Variants in FHIT observed in about 807,000 individuals in gnomAD.
FHIT encodes the protein bis(5'-adenosyl)-triphosphatase.
In FHIT, 19 loss-of-function variants were observed where a neutral mutation model predicts 17.9. The observed-to-expected ratio is 1.06, with a 90% CI of 0.74 to 1.56. The LOEUF is 1.56. FHIT is among the 40% of genes most tolerant of loss of function. The pLI is 0.00. For synonymous variants in FHIT, 81 were observed against 69.7 expected (o/e 1.16, Z -0.81); for missense variants, 248 against 189.2 (o/e 1.31, Z -1.82).
At chr3:59,795,178 G>C (rs531863220) in intron 8 of FHIT, among the ~76,000 whole-genome samples, 42 of 152,254 alleles carry the variant, frequency 2.8e-4, no homozygotes, top group Non-Finnish European at 4.7e-4. Flanking sequence ...TTGAGGTCAG[G>C]AGTTCGAGAC....
chr3:60,454,603 C>G (rs1003308398), intron 5 of FHIT, among the ~76,000 whole-genome samples: 25 of 152,064 alleles, frequency 1.6e-4, no homozygotes, highest in African/African-American at 6.0e-4. Flanking sequence ...CCAGGATGGT[C>G]TCAATCTCCT....
intron 4 of FHIT, among the ~76,000 whole-genome samples, chr3:60,699,137 G>T (rs1470163118): frequency 6.6e-6 from 1 of 152,034 alleles, no homozygotes; most frequent in Non-Finnish European, 1.5e-5. Flanking sequence ...ACTTTTAAGT[G>T]AATTTATTTA....
intron 5 of FHIT, among the ~76,000 whole-genome samples, chr3:60,393,085 GATT>G (rs1463534894): frequency 1.3e-5 from 2 of 152,042 alleles, no homozygotes; most frequent in Non-Finnish European, 2.9e-5. Flanking sequence ...TTACAGTCCC[GATT>G]TGGCCCCTTC....
chr3:60,385,479 G>A (rs1478690703), intron 5 of FHIT, among the ~76,000 whole-genome samples: 1 of 152,040 alleles, frequency 6.6e-6, no homozygotes, highest in African/African-American at 2.4e-5. Flanking sequence ...AAATAATTAA[G>A]AAAAAGGAAA....
chr3:60,588,807 G>A (rs1466850949), intron 4 of FHIT, among the ~76,000 whole-genome samples: 2 of 151,988 alleles, frequency 1.3e-5, no homozygotes, highest in Non-Finnish European at 2.9e-5. Context: ...GAGCCATCAT[G>A]CCTGTCCTGG....
intron 4 of FHIT, among the ~76,000 whole-genome samples, chr3:60,764,690 G>T (rs1459688171): frequency 6.6e-6 from 1 of 151,586 alleles, no homozygotes; most frequent in Non-Finnish European, 1.5e-5. Context: ...AAGAGCAAGG[G>T]GGTATTGATT....
chr3:60,377,812 G>A (rs1700636058), intron 5 of FHIT, among the ~76,000 whole-genome samples: 1 of 152,114 alleles, frequency 6.6e-6, no homozygotes, highest in Non-Finnish European at 1.5e-5. Context: ...ATATCCTAGT[G>A]AGAGCCTTTC....
At chr3:60,395,569 C>T (rs372186312) in intron 5 of FHIT, among the ~76,000 whole-genome samples, 5 of 151,990 alleles carry the variant, frequency 3.3e-5, no homozygotes, top group African/African-American at 1.2e-4. Context: ...AAGAAGGTAA[C>T]GAGTTTATGA....
intron 4 of FHIT, among the ~76,000 whole-genome samples, chr3:60,589,458 C>T (rs1553663367): frequency 1.3e-5 from 2 of 152,064 alleles, no homozygotes; most frequent in African/African-American, 2.4e-5. Context: ...AGTACATACA[C>T]ATTTACATCG....
chr3:60,563,241 G>T (rs146492068), intron 4 of FHIT, among the ~76,000 whole-genome samples: 44 of 152,254 alleles, frequency 2.9e-4, no homozygotes, highest in African/African-American at 1.1e-3. Context: ...TATGTCTTGG[G>T]AGAAGAGCTA....
At chr3:61,177,176 CAAAA>C (rs776705930) in intron 2 of FHIT, among the ~76,000 whole-genome samples, 3 of 92,402 alleles carry the variant, frequency 3.2e-5, no homozygotes, top group East Asian at 1.3e-3. Context: ...GACTCCATCT[CAAAA>C]AAAAAAAAAA....
chr3:60,357,189 T>C (rs80180958), intron 5 of FHIT, among the ~76,000 whole-genome samples: 4,439 of 152,234 alleles, frequency 0.029, 184 homozygotes, highest in African/African-American at 0.092. Context: ...AGGCAAACAC[T>C]GGAGATCACT....
At chr3:59,945,583 G>C (rs975230749) in intron 7 of FHIT, among the ~76,000 whole-genome samples, 16 of 149,456 alleles carry the variant, frequency 1.1e-4, no homozygotes, top group African/African-American at 3.7e-4. Flanking sequence ...TCTTTGTCAT[G>C]AAATATTTTC....
At chr3:60,411,301 C>G (rs1297158308) in intron 5 of FHIT, among the ~76,000 whole-genome samples, 1 of 152,066 alleles carries the variant, frequency 6.6e-6, no homozygotes, top group African/African-American at 2.4e-5. Flanking sequence ...CTTATTTCAA[C>G]TTGGAAATTA....
At chr3:61,089,292 T>C (rs1406367240) in intron 2 of FHIT, among the ~76,000 whole-genome samples, 1 of 152,218 alleles carries the variant, frequency 6.6e-6, no homozygotes, top group Non-Finnish European at 1.5e-5. Context: ...TGGCATTAAG[T>C]ACATTCACAA....
chr3:60,514,645 A>C (rs1246642100), intron 5 of FHIT, among the ~76,000 whole-genome samples: 1 of 152,196 alleles, frequency 6.6e-6, no homozygotes. Context: ...CAGAACTTAA[A>C]GTTTTAAAAG....
chr3:60,583,637 G>A (rs1256249661), intron 4 of FHIT, among the ~76,000 whole-genome samples: 1 of 152,008 alleles, frequency 6.6e-6, no homozygotes, highest in Non-Finnish European at 1.5e-5. Context: ...AAATGTAAAA[G>A]TTATCTTTAG....
At chr3:60,674,119 T>C (rs1001337634) in intron 4 of FHIT, among the ~76,000 whole-genome samples, 29 of 152,190 alleles carry the variant, frequency 1.9e-4, no homozygotes, top group African/African-American at 7.0e-4. Flanking sequence ...GTTCTTCAGA[T>C]CAGACAATTT....
At chr3:60,514,468 G>A (rs2035071713) in intron 5 of FHIT, among the ~76,000 whole-genome samples, 1 of 152,178 alleles carries the variant, frequency 6.6e-6, no homozygotes. Context: ...GGTCAAGGGA[G>A]CTCCCGTTTC....
Sources: allele counts gnomAD v4.1 joint callset (sites outside exome capture counted in the v4.1 genomes callset), GRCh38; gene constraint gnomAD v4.1.1; transcripts MANE v1.5; gene names NCBI Gene and HGNC (gene_info 2026-07-23, HGNC 2026-07-21).